The following PRDM2 variants were observed in gnomAD, a reference collection of about 807,000 sequenced individuals.
PRDM2 encodes PR domain zinc finger protein 2.
PRDM2 carries 30 observed loss-of-function variants against 130.0 expected under a neutral mutation model. The ratio of observed to expected loss-of-function variants is 0.23; its 90% CI spans 0.17 to 0.31. The LOEUF (loss-of-function observed/expected upper bound fraction) is 0.31. PRDM2 is among the 10% of genes least tolerant of loss of function. PRDM2 has a pLI of 1.00. For missense variants in PRDM2, 2,011 were observed against 2,108.4 expected, an observed-to-expected ratio of 0.95 and a Z score of 0.90; for synonymous variants, 871 against 782.4, an observed-to-expected ratio of 1.11 and a Z score of -1.89.
intron 5 of PRDM2, 127 bp downstream of exon 5, chr1:13,742,284 T>C: frequency 9.3e-7 from 1 of 1,076,650 alleles, no homozygotes; most frequent in Non-Finnish European, 1.3e-6. Context: ...CACTGCAGCC[T>C]AAGCCTCCCC....
At chr1:13,727,813 C>T (rs1050119194) in intron 2 of PRDM2, among the ~76,000 whole-genome samples, 1 of 152,134 alleles carries the variant, frequency 6.6e-6, no homozygotes, top group Non-Finnish European at 1.5e-5. Flanking sequence ...GGAAATAGTG[C>T]CAGGATCAAA....
At chr1:13,822,262 G>A (rs1417542843) in intron 9 of PRDM2, among the ~76,000 whole-genome samples, 1 of 152,110 alleles carries the variant, frequency 6.6e-6, no homozygotes, top group African/African-American at 2.4e-5. Context: ...AAATGCATAC[G>A]TATTTGCACC....
At chr1:13,730,956 G>A in intron 2 of PRDM2, 44 bp from the exon 3 acceptor site, 1 of 1,359,706 alleles carries the variant, frequency 7.4e-7, no homozygotes, top group South Asian at 1.4e-5. Flanking sequence ...CATGATTTGA[G>A]TTTTCTTTCT....
At chr1:13,764,363 A>C (rs1442478091) in intron 6 of PRDM2, among the ~76,000 whole-genome samples, 3 of 152,220 alleles carry the variant, frequency 2.0e-5, no homozygotes, top group Admixed American at 2.0e-4. Flanking sequence ...TGAGAAAGAA[A>C]CCTAGAAATT....
intron 1 of PRDM2, among the ~76,000 whole-genome samples, chr1:13,701,977 G>A (rs959738369): frequency 7.2e-5 from 11 of 152,312 alleles, no homozygotes; most frequent in Middle Eastern, 6.8e-3. Flanking sequence ...CTGTAAGAAT[G>A]TATTAATTTT....
chr1:13,810,996 C>T (rs1393728531), intron 8 of PRDM2, among the ~76,000 whole-genome samples: 1 of 151,546 alleles, frequency 6.6e-6, no homozygotes, highest in East Asian at 2.0e-4. Flanking sequence ...CCAGCCTGGC[C>T]AACATGGTGA....
chr1:13,800,497 T>G (rs1213088173), intron 8 of PRDM2, among the ~76,000 whole-genome samples: 1 of 151,928 alleles, frequency 6.6e-6, no homozygotes, highest in African/African-American at 2.4e-5. Flanking sequence ...TGGGTGAGGA[T>G]GGGGAGATGT....
rs187070877 is a variant in PRDM2 at position 13,803,008 on chromosome 1, C to T, written c.5037-13419C>T. 1.2e-3 allele frequency among the ~76,000 whole-genome samples: 189 copies of T among 152,334 alleles called. No individual in the cohort carries two copies. The highest frequency in any genetic ancestry group is 3.5e-3 in the African/African-American group (144 of 41,574). On this transcript the variant is annotated intron_variant, in intron 8 of 9. Transcript: ENST00000311066. This position sits in a 1 kb window ranked among gnomAD's most constrained non-coding sequence, Gnocchi z 6.2. ...CCTCCACCCTGCTGGGCTTCTCTCA[C>T]CCGGGCTGGTCGTGTCACGGGCAGT...
At chr1:13,796,082 C>G (rs937868435) in intron 8 of PRDM2, among the ~76,000 whole-genome samples, 2 of 152,226 alleles carry the variant, frequency 1.3e-5, no homozygotes, top group Non-Finnish European at 2.9e-5. Flanking sequence ...TAAAACTACA[C>G]TGGACTCAAT....
At chr1:13,745,485 C>T (rs1569838786) in intron 5 of PRDM2, among the ~76,000 whole-genome samples, 5 of 148,866 alleles carry the variant, frequency 3.4e-5, no homozygotes, top group South Asian at 2.1e-4. Context: ...AGTGCAATGG[C>T]GTGATCTTGG....
intron 5 of PRDM2, among the ~76,000 whole-genome samples, chr1:13,748,055 G>A (rs1284645454): frequency 2.6e-5 from 4 of 152,160 alleles, no homozygotes; most frequent in African/African-American, 9.7e-5. Flanking sequence ...GAATGTCCCA[G>A]AGTTTGAGCT....
At chr1:13,783,052 T>G in intron 8 of PRDM2, 2 of 1,049,516 alleles carry the variant, frequency 1.9e-6, no homozygotes, top group Non-Finnish European at 2.7e-6. Context: ...CAGTGCCACT[T>G]CTTTAATGTG....
intron 8 of PRDM2, among the ~76,000 whole-genome samples, chr1:13,796,152 G>A (rs568178648): frequency 6.6e-6 from 1 of 152,328 alleles, no homozygotes; most frequent in South Asian, 2.1e-4. Context: ...TAGAAAAGAT[G>A]ATTCTGGCAT....
intron 6 of PRDM2, among the ~76,000 whole-genome samples, chr1:13,750,489 G>A (rs1476622718): frequency 2.6e-5 from 4 of 151,932 alleles, no homozygotes; most frequent in Admixed American, 6.5e-5. Context: ...ATTGCAAAGT[G>A]AGTTGTGGAA....
intron 6 of PRDM2, among the ~76,000 whole-genome samples, chr1:13,758,976 A>T (rs1644031489): frequency 6.6e-6 from 1 of 152,168 alleles, no homozygotes; most frequent in African/African-American, 2.4e-5. Context: ...AAATACTGCT[A>T]ATTTGATACT....
At chr1:13,741,720 T>TTGTGTGTGTGTGTGTGTGTG (rs200384633) in intron 4 of PRDM2, among the ~76,000 whole-genome samples, 41 of 112,592 alleles carry the variant, frequency 3.6e-4, no homozygotes, top group African/African-American at 1.0e-3. Flanking sequence ...CTCTTTAAGT[T>TTGTGTGTGTGTGTGTGTGTG]TGTGTGTGTG....
At position 13,771,986 on chromosome 1, in the gene PRDM2, T is replaced by A. The variant is rs1644370119; in HGVS notation, c.512-1092T>A. ...AGCTAATTATGCTTCCCGGTAGTGATTCTCTGTTATGGAGTATGTAACTTT... is the reference window on the plus strand; with the variant it reads ...AGCTAATTATGCTTCCCGGTAGTGAATCTCTGTTATGGAGTATGTAACTTT... On this transcript the variant is annotated intron_variant, in intron 6 of 9. Coordinates refer to ENST00000311066, the MANE Select transcript of PRDM2 (RefSeq NM_001393986.1). The surrounding 1 kb of genome is among the most constrained non-coding windows in gnomAD (Gnocchi z 4.1). The A allele has an allele frequency of 6.6e-6, 1 of 152,246 alleles. No homozygotes were observed. The highest frequency in any genetic ancestry group is 2.4e-5 in the African/African-American group (1 of 41,468). The allele number at this position is 152,246 out of a possible 1,614,324, so 9.4% of individuals were successfully genotyped here. A position where few individuals can be genotyped will look rare whatever the true frequency, so the allele number is the denominator to read the frequency against.
At chr1:13,767,700 A>G (rs1175519952) in intron 6 of PRDM2, among the ~76,000 whole-genome samples, 1 of 152,150 alleles carries the variant, frequency 6.6e-6, no homozygotes, top group African/African-American at 2.4e-5. Flanking sequence ...ATGCTGCTGG[A>G]TGCCGTGACT....
At chr1:13,804,171 G>A (rs145428367) in intron 8 of PRDM2, among the ~76,000 whole-genome samples, 369 of 152,226 alleles carry the variant, frequency 2.4e-3, no homozygotes, top group African/African-American at 7.1e-3. Flanking sequence ...TGAAGACAGC[G>A]CATGGGCCAG....
Sources: allele counts gnomAD v4.1 joint callset (sites outside exome capture counted in the v4.1 genomes callset), GRCh38; gene constraint gnomAD v4.1.1; non-coding constraint Gnocchi (gnomAD v3.1); transcripts MANE v1.5; gene names NCBI Gene and HGNC (gene_info 2026-07-23, HGNC 2026-07-21).